The following COL19A1 variants were observed in gnomAD, a reference collection of about 807,000 sequenced individuals.
COL19A1 encodes collagen alpha-1(XIX) chain.
In COL19A1, 159 loss-of-function variants were observed where a neutral mutation model predicts 190.2. The observed-to-expected ratio is 0.84, with a 90% CI of 0.73 to 0.95. COL19A1 has a LOEUF of 0.95. COL19A1 is among the 40% of genes least tolerant of loss of function. The pLI is 0.00. For missense variants in COL19A1, 1,418 were observed against 1,431.9 expected, an observed-to-expected ratio of 0.99 and a Z score of 0.16; for synonymous variants, 509 against 458.9, an observed-to-expected ratio of 1.11 and a Z score of -1.39.
At chr6:70,184,783 A>T (rs1766402543) in intron 45 of COL19A1, 45 bp downstream of exon 45, 1 of 1,603,848 alleles carries the variant, frequency 6.2e-7, no homozygotes. Context: ...TGCATACTGC[A>T]TCCAGAATAC....
intron 1 of COL19A1, among the ~76,000 whole-genome samples, chr6:69,868,480 TAGAA>T (rs1377036486): frequency 6.6e-6 from 1 of 151,976 alleles, no homozygotes; most frequent in Non-Finnish European, 1.5e-5. Context: ...CTCTAGGGGA[TAGAA>T]AGTGGAGAAA....
At chr6:70,057,169 C>T (rs1179996451) in intron 14 of COL19A1, among the ~76,000 whole-genome samples, 1 of 152,080 alleles carries the variant, frequency 6.6e-6, no homozygotes. Context: ...GGCCACTGAC[C>T]TTTGGCAAAG....
At chr6:70,121,803 T>C (rs1018887563) in intron 16 of COL19A1, 77 bp from the exon 17 acceptor site, 30 of 917,808 alleles carry the variant, frequency 3.3e-5, no homozygotes, top group African/African-American at 1.7e-4. Flanking sequence ...ATTTCAAGAG[T>C]TCTTAGATAT....
intron 1 of COL19A1, among the ~76,000 whole-genome samples, chr6:69,876,490 T>G (rs1349947856): frequency 1.3e-5 from 2 of 151,488 alleles, no homozygotes; most frequent in Non-Finnish European, 2.9e-5. Context: ...CAGCAAACAA[T>G]TATAATATCA....
chr6:70,183,623 T>C (rs979734890), intron 44 of COL19A1, among the ~76,000 whole-genome samples: 2 of 152,212 alleles, frequency 1.3e-5, no homozygotes, highest in Admixed American at 1.3e-4. Context: ...CTTTGAACCA[T>C]ACACTTCAGG....
Position 70,140,949 on chromosome 6 carries a change from C to A in COL19A1, c.1447-5C>A. The A allele has an allele frequency of 6.2e-7, 1 of 1,610,436 alleles. No homozygotes were observed. Among genetic ancestry groups the A allele is most frequent in the African/African-American group, 1.3e-5 (1 of 74,818 alleles). ...TTAATTCTATTTTCTACCCCTTCTCCTTAGGGAGAGCCTTTTACAAAAGGA... is the reference window on the plus strand; with the variant it reads ...TTAATTCTATTTTCTACCCCTTCTCATTAGGGAGAGCCTTTTACAAAAGGA... On this transcript the variant is annotated splice_polypyrimidine_tract_variant and splice_region_variant and intron_variant, in intron 19 of 50. Coordinates refer to ENST00000620364, the MANE Select transcript of COL19A1 (RefSeq NM_001858.6).
chr6:70,006,314 A>G (rs1164331009), intron 11 of COL19A1, among the ~76,000 whole-genome samples: 2 of 152,152 alleles, frequency 1.3e-5, no homozygotes, highest in Non-Finnish European at 2.9e-5. Context: ...TTTCCCATCC[A>G]TGGGTTGCAC....
intron 47 of COL19A1, among the ~76,000 whole-genome samples, chr6:70,189,023 T>G (rs1766698638): frequency 6.6e-6 from 1 of 152,192 alleles, no homozygotes. Flanking sequence ...ACTCTTGGGG[T>G]TGTGTCAGTA....
intron 18 of COL19A1, among the ~76,000 whole-genome samples, chr6:70,133,557 A>G (rs967047358): frequency 1.3e-5 from 2 of 152,196 alleles, no homozygotes; most frequent in South Asian, 4.1e-4. Context: ...CTGCTGCTTT[A>G]TAGAGACAGT....
At chr6:70,147,554 A>G (rs1183903939) in intron 27 of COL19A1, among the ~76,000 whole-genome samples, 1 of 152,198 alleles carries the variant, frequency 6.6e-6, no homozygotes, top group Non-Finnish European at 1.5e-5. Flanking sequence ...ATTAATTTAG[A>G]AAATTGGTCT....
intron 14 of COL19A1, among the ~76,000 whole-genome samples, chr6:70,055,705 T>G (rs150686662): frequency 7.5e-4 from 111 of 148,804 alleles, no homozygotes; most frequent in African/African-American, 2.6e-3. Context: ...TCACTTGAAC[T>G]TGGGAGGCAG....
intron 16 of COL19A1, among the ~76,000 whole-genome samples, chr6:70,105,830 T>G (rs1211635263): frequency 7.9e-5 from 12 of 152,172 alleles, no homozygotes; most frequent in Admixed American, 7.9e-4. Context: ...TTAAAAAATT[T>G]TAATTTTGTC....
At chr6:70,088,871 G>A (rs1410858846) in intron 15 of COL19A1, among the ~76,000 whole-genome samples, 2 of 152,070 alleles carry the variant, frequency 1.3e-5, no homozygotes, top group Non-Finnish European at 2.9e-5. Flanking sequence ...GTGTTCCTAA[G>A]TGGCAGTTGA....
intron 4 of COL19A1, among the ~76,000 whole-genome samples, chr6:69,905,898 A>G (rs544970519): frequency 6.6e-6 from 1 of 152,336 alleles, no homozygotes; most frequent in Admixed American, 6.5e-5. Flanking sequence ...CTAGTTCTCT[A>G]GAATTATTTG....
intron 48 of COL19A1, 98 bp downstream of exon 48, chr6:70,190,479 T>G (rs913084591): frequency 7.5e-6 from 6 of 804,444 alleles, no homozygotes; most frequent in Non-Finnish European, 1.2e-5. Flanking sequence ...AAGATGGCCA[T>G]GCCACAAAAA....
Position 70,149,976 on chromosome 6 carries a change from A to G in COL19A1, c.1984-16A>G, listed in dbSNP as rs777321097. ...TGCCACGTGCAAAGATTGAACATGGATACCTCTGTTTTCAGGGAGTTCCAG... is the reference window on the plus strand; with the variant it reads ...TGCCACGTGCAAAGATTGAACATGGGTACCTCTGTTTTCAGGGAGTTCCAG... On this transcript the variant is annotated splice_polypyrimidine_tract_variant and intron_variant, in intron 29 of 50. Coordinates refer to ENST00000620364, the MANE Select transcript of COL19A1 (RefSeq NM_001858.6). 1 of 1,613,762 alleles carries G rather than the reference A, an allele frequency of 6.2e-7. No homozygotes were observed. Among genetic ancestry groups the G allele is most frequent in the Non-Finnish European group, 8.5e-7 (1 of 1,179,802 alleles).
intron 14 of COL19A1, among the ~76,000 whole-genome samples, chr6:70,036,281 T>C (rs1204974130): frequency 6.6e-6 from 1 of 152,240 alleles, no homozygotes; most frequent in African/African-American, 2.4e-5. Flanking sequence ...GATACAGTCC[T>C]ACTTGCTTTA....
In COL19A1 at chr6:69,900,920, C is replaced by CA. The variant is rs916819703; in HGVS notation, c.266+592dup. On this transcript the variant is annotated intron_variant, in intron 4 of 50. Transcript: ENST00000620364. ...TTTTCTACAGATACACTTAGAGTTA[C>CA]AAAAAAAAAATCACTTTCCATTCAA... is the stretch of plus-strand genomic sequence containing the variant. Among the ~76,000 whole-genome samples the CA allele has an allele frequency of 6.0e-4, 89 of 147,590 alleles. 1 individual carries two copies. Among genetic ancestry groups the CA allele is most frequent in the Admixed American group, 1.1e-3 (17 of 14,804 alleles).
chr6:69,938,289 T>C (rs1773241907), intron 9 of COL19A1, among the ~76,000 whole-genome samples, 189 bp downstream of exon 9: 1 of 152,126 alleles, frequency 6.6e-6, no homozygotes, highest in Admixed American at 6.6e-5. Flanking sequence ...TGAATTCATA[T>C]TGGTAGGCTG....
Sources: gnomAD v4.1 joint callset for allele counts (sites outside exome capture counted in the v4.1 genomes callset) on GRCh38, gnomAD v4.1.1 for gene constraint, MANE v1.5 for transcripts, NCBI Gene and HGNC (gene_info 2026-07-23, HGNC 2026-07-21) for gene names.